Variants in RTN4IP1 observed in about 807,000 individuals in gnomAD.
RTN4IP1 encodes the protein NAD(P)H oxidoreductase RTN4IP1, mitochondrial.
Under a neutral mutation model 46.6 loss-of-function variants are expected in RTN4IP1, and 32 were observed. The ratio of observed to expected loss-of-function variants is 0.69; its 90% confidence interval spans 0.52 to 0.92. The LOEUF is 0.92. Among genes scored for constraint, RTN4IP1 ranks in the 40% least tolerant of loss-of-function variants. The pLI, the probability that RTN4IP1 is intolerant of heterozygous loss-of-function variation, is 0.00. For missense variants in RTN4IP1, 424 were observed against 485.8 expected (o/e 0.87, Z 1.20); for synonymous variants, 167 against 161.8 (o/e 1.03, Z -0.24).
chr6:106,611,182 C>G (rs539024124), intron 4 of RTN4IP1, among the ~76,000 whole-genome samples: 1 of 152,238 alleles, frequency 6.6e-6, no homozygotes, highest in African/African-American at 2.4e-5. Flanking sequence ...TCTAGAGTCA[C>G]GGGTTCAGGT....
At chr6:106,594,783 T>A (rs1215391395) in intron 5 of RTN4IP1, among the ~76,000 whole-genome samples, 1 of 152,114 alleles carries the variant, frequency 6.6e-6, no homozygotes. Flanking sequence ...AATCTCTTTT[T>A]TTATTATTTA....
chr6:106,621,222 G>A (rs1471637331), intron 3 of RTN4IP1, among the ~76,000 whole-genome samples: 1 of 152,140 alleles, frequency 6.6e-6, no homozygotes, highest in Non-Finnish European at 1.5e-5. Flanking sequence ...CTCTATGAGA[G>A]AAAAACAGCT....
At chr6:106,575,262 A>AT (rs2114617416) in intron 8 of RTN4IP1, among the ~76,000 whole-genome samples, 1 of 152,306 alleles carries the variant, frequency 6.6e-6, no homozygotes, top group East Asian at 1.9e-4. Context: ...CACTGCGCAG[A>AT]CACACGAGGC....
chr6:106,589,925 G>A (rs1775603859), intron 6 of RTN4IP1, among the ~76,000 whole-genome samples: 1 of 152,184 alleles, frequency 6.6e-6, no homozygotes, highest in Non-Finnish European at 1.5e-5. Context: ...TGCCAAGGAG[G>A]GAAGCATAGC....
intron 5 of RTN4IP1, 84 bp from the exon 6 acceptor site, chr6:106,592,384 C>A: frequency 7.3e-7 from 1 of 1,370,414 alleles, no homozygotes; most frequent in Non-Finnish European, 1.0e-6. Flanking sequence ...TCATTGGCAC[C>A]ATGTATACAT....
At chr6:106,578,914 CTT>C (rs71752160) in intron 8 of RTN4IP1, among the ~76,000 whole-genome samples, 11,382 of 144,906 alleles carry the variant, frequency 0.079, 584 homozygotes, top group East Asian at 0.2. Context: ...TCTTCTTCTT[CTT>C]TTTTTTTTTT....
At chr6:106,594,464 C>T (rs958539354) in intron 5 of RTN4IP1, among the ~76,000 whole-genome samples, 3 of 151,894 alleles carry the variant, frequency 2.0e-5, no homozygotes, top group Non-Finnish European at 2.9e-5. Flanking sequence ...AAGCCAAGGT[C>T]GTACCACTGC....
chr6:106,609,153 T>A (rs1180357810), intron 4 of RTN4IP1, among the ~76,000 whole-genome samples: 4 of 152,238 alleles, frequency 2.6e-5, no homozygotes, highest in Non-Finnish European at 5.9e-5. Context: ...CACATCCTAC[T>A]TCCCAACTTA....
intron 2 of RTN4IP1, among the ~76,000 whole-genome samples, chr6:106,622,000 C>G (rs1776496830): frequency 6.6e-6 from 1 of 152,052 alleles, no homozygotes; most frequent in African/African-American, 2.4e-5. Context: ...GCCATCTCAT[C>G]CATAAGGCAG....
Position 106,629,423 on chromosome 6 carries a change from T to C in RTN4IP1, c.-402A>G, listed in dbSNP as rs980470698. On this transcript the variant is annotated 5_prime_UTR_variant, in exon 1 of 9. Coordinates refer to ENST00000369063, the MANE Select transcript of RTN4IP1 (RefSeq NM_032730.5). ...GATCCAACGCCAGAGAATCGAACGC[T>C]TGCCGACTGCCGCCGCGACCCTGGC... is the stretch of plus-strand genomic sequence containing the variant. 1.7e-6 allele frequency: 1 copy of C among 586,730 alleles called. No homozygotes were observed. The highest frequency in any genetic ancestry group is 3.0e-6 in the Non-Finnish European group (1 of 333,144). 36.3% of individuals were successfully genotyped at this position (586,730 alleles called of 1,614,324 possible).
chr6:106,619,097 T>C (rs183302607), intron 4 of RTN4IP1, 105 bp downstream of exon 4: 37 of 1,267,376 alleles, frequency 2.9e-5, no homozygotes, highest in Admixed American at 1.2e-4. Context: ...ACAGCTCTGT[T>C]CGTGTAAATG....
In RTN4IP1 at chr6:106,629,398, G is replaced by C. The variant is rs1234803378; in HGVS notation, c.-377C>G. On this transcript the variant is annotated 5_prime_UTR_variant, in exon 1 of 9. In the 5' UTR this introduces an upstream ATG that the reference lacks. Transcript: ENST00000369063. ...GGCGGGACAAGCAGACACCGCTCGCGATCCAACGCCAGAGAATCGAACGCT... is the reference window on the plus strand; with the variant it reads ...GGCGGGACAAGCAGACACCGCTCGCCATCCAACGCCAGAGAATCGAACGCT... The C allele has an allele frequency of 3.5e-6, 2 of 566,442 alleles. No individual in the cohort carries two copies. Among genetic ancestry groups the C allele is most frequent in the African/African-American group, 3.8e-5 (2 of 52,838 alleles). The allele number at this position is 566,442 out of a possible 1,614,324, so 35.1% of individuals were successfully genotyped here.
rs1014771105 is a variant in RTN4IP1 at position 106,621,546 on chromosome 6, C to T, written c.427-53G>A. On this transcript the variant is annotated intron_variant, in intron 2 of 8. Transcript: ENST00000369063. ...ATTAGAAACACAGATATTTTTTGACCGAAGCTAAGCAAGAAAGTGTTCCCT... is the reference window on the plus strand; with the variant it reads ...ATTAGAAACACAGATATTTTTTGACTGAAGCTAAGCAAGAAAGTGTTCCCT... 2.3e-5 allele frequency: 35 copies of T among 1,508,112 alleles called. No homozygotes were observed. In the Middle Eastern group the frequency reaches 5.1e-4, roughly 22 times the overall value. The allele number at this position is 1,508,112 out of a possible 1,614,324, so 93.4% of individuals were successfully genotyped here.
chr6:106,573,747 T>A (rs1775145705), intron 8 of RTN4IP1, among the ~76,000 whole-genome samples: 1 of 152,238 alleles, frequency 6.6e-6, no homozygotes, highest in Non-Finnish European at 1.5e-5. Flanking sequence ...CATTATGCAC[T>A]GAGCCTTTCC....
At chr6:106,615,329 C>A (rs1776324013) in intron 4 of RTN4IP1, among the ~76,000 whole-genome samples, 1 of 151,966 alleles carries the variant, frequency 6.6e-6, no homozygotes, top group South Asian at 2.1e-4. Flanking sequence ...GGGCCTAATT[C>A]TATAATTCTA....
At chr6:106,578,604 T>C (rs181475247) in intron 8 of RTN4IP1, among the ~76,000 whole-genome samples, 1 of 152,330 alleles carries the variant, frequency 6.6e-6, no homozygotes, top group Admixed American at 6.5e-5. Context: ...TTATAAATCA[T>C]TCTTTTTGAG....
chr6:106,616,445 T>C (rs1259129924), intron 4 of RTN4IP1, among the ~76,000 whole-genome samples: 3 of 152,204 alleles, frequency 2.0e-5, no homozygotes, highest in Non-Finnish European at 2.9e-5. Flanking sequence ...AAGGTGCTGA[T>C]AGGTGTTTTT....
At chr6:106,576,774 T>C (rs1775239138) in intron 8 of RTN4IP1, among the ~76,000 whole-genome samples, 1 of 152,202 alleles carries the variant, frequency 6.6e-6, no homozygotes, top group Non-Finnish European at 1.5e-5. Context: ...ACATTTCAAG[T>C]GCTCAGTGGC....
chr6:106,627,745 T>G (rs1776684582), intron 1 of RTN4IP1, among the ~76,000 whole-genome samples: 1 of 92,818 alleles, frequency 1.1e-5, no homozygotes, highest in Admixed American at 1.1e-4. Flanking sequence ...TTTCAATGCT[T>G]TTTTTTTTTT....
Sources: allele counts gnomAD v4.1 joint callset (sites outside exome capture counted in the v4.1 genomes callset), GRCh38; gene constraint gnomAD v4.1.1; transcripts MANE v1.5; gene names NCBI Gene and HGNC (gene_info 2026-07-23, HGNC 2026-07-21).